Variants in CEP164 observed in about 807,000 individuals in gnomAD.
CEP164 encodes the protein centrosomal protein 164.
A neutral mutation model predicts 182.7 loss-of-function variants in CEP164; 162 were observed. The ratio of observed to expected loss-of-function variants is 0.89; its 90% CI spans 0.78 to 1.01. The LOEUF (loss-of-function observed/expected upper bound fraction) is 1.01, where lower values mean the gene tolerates loss of function less well. Ranked by LOEUF, CEP164 falls within the 50% of genes least tolerant of loss-of-function variation. CEP164 has a pLI of 0.00. For missense variants in CEP164, 1,735 were observed against 1,790.4 expected, an observed-to-expected ratio of 0.97 and a Z score of 0.56; for synonymous variants, 661 against 690.0, an observed-to-expected ratio of 0.96 and a Z score of 0.66.
Position 117,397,278 on chromosome 11 carries a change from A to G in CEP164, c.3466A>G (p.Lys1156Glu), listed in dbSNP as rs760963024. Residue 1156 changes from lysine (K) to glutamate (E), a missense_variant, in exon 27 of 33, where the codon AAG (lysine) becomes GAG (glutamate). Lys to Glu is a moderately conservative substitution (Grantham distance 56, BLOSUM62 1). Coordinates refer to ENST00000278935, the MANE Select transcript of CEP164 (RefSeq NM_014956.5). ...QEVAKDPPGIKALEDMRKNLE... is the reference protein window; with the variant it reads ...QEVAKDPPGIEALEDMRKNLE... ...GGTGGCCAAAGACCCACCAGGCATC[A>G]AGGCCCTGGAAGATATGCGCAAGAA... 2 of 1,613,704 alleles carry G rather than the reference A, an allele frequency of 1.2e-6. No individual in the cohort carries two copies. Among genetic ancestry groups the G allele is most frequent in the Non-Finnish European group, 1.7e-6 (2 of 1,179,976 alleles).
intron 27 of CEP164, among the ~76,000 whole-genome samples, chr11:117,403,237 T>C (rs2046336958): frequency 6.6e-6 from 1 of 152,242 alleles, no homozygotes; most frequent in Non-Finnish European, 1.5e-5. Context: ...ATTTTGCCCA[T>C]TAGTTGATGC....
At chr11:117,400,704 C>T (rs1051935350) in intron 27 of CEP164, among the ~76,000 whole-genome samples, 1 of 152,168 alleles carries the variant, frequency 6.6e-6, no homozygotes, top group Non-Finnish European at 1.5e-5. Context: ...TCCTTCACAT[C>T]CCTTGTAAGT....
intron 4 of CEP164, among the ~76,000 whole-genome samples, chr11:117,348,133 C>A (rs1380033709): frequency 1.3e-5 from 2 of 151,906 alleles, no homozygotes; most frequent in South Asian, 4.2e-4. Context: ...CCATGCCTGG[C>A]TAATTTTTGT....
chr11:117,325,107 CAG>C (rs1170763347), upstream of CEP164, among the ~76,000 whole-genome samples: 1 of 151,968 alleles, frequency 6.6e-6, no homozygotes, highest in East Asian at 1.9e-4. Context: ...ATTTTTGAGA[CAG>C]AGTCTCACTT....
intron 27 of CEP164, among the ~76,000 whole-genome samples, chr11:117,402,596 T>C (rs2046273362): frequency 1.3e-5 from 2 of 152,194 alleles, no homozygotes; most frequent in South Asian, 4.1e-4. Flanking sequence ...ATTTCCGTTC[T>C]TTTGCATTTA....
chr11:117,392,343 G>A (rs767086825), intron 18 of CEP164, 40 bp downstream of exon 18: 10 of 1,589,974 alleles, frequency 6.3e-6, no homozygotes, highest in Non-Finnish European at 7.7e-6. Flanking sequence ...TGGCTGATTA[G>A]CAGAATTCAG....
intron 19 of CEP164, 134 bp downstream of exon 19, chr11:117,392,761 T>G: frequency 7.6e-7 from 1 of 1,313,366 alleles, no homozygotes; most frequent in Non-Finnish European, 1.0e-6. Flanking sequence ...TCTAGTTCCC[T>G]TTTTATGCCT....
chr11:117,362,546 T>C lies in CEP164; in HGVS notation c.687+8T>C, dbSNP rs747277298. 6.2e-7 allele frequency: 1 copy of C among 1,612,424 alleles called. No homozygotes were observed. The highest frequency in any genetic ancestry group is 1.1e-5 in the South Asian group (1 of 90,978). On this transcript the variant is annotated splice_region_variant and intron_variant, in intron 7 of 32. Transcript: ENST00000278935. ...GAGGAAAGTGACAACCAGGTAATGA[T>C]GAAGTCCTCTCCCTGGCCTGGAAAC...
At chr11:117,351,265 G>A (rs897917096) in intron 4 of CEP164, among the ~76,000 whole-genome samples, 20 of 152,026 alleles carry the variant, frequency 1.3e-4, no homozygotes, top group Non-Finnish European at 2.8e-4. Flanking sequence ...TCCCGACCTC[G>A]GCCTCCCAAA....
At position 117,387,412 on chromosome 11, in the gene CEP164, G is replaced by A; in HGVS notation, c.1934G>A (p.Ser645Asn). ...RLHQQKEQSL[S>N]SLRERLQKAI... is the part of the protein sequence containing the mutation. Reference sequence around the variant, plus strand: ...CACCAGCAGAAAGAGCAATCTCTCAGGTCCTGCCCTTCCCCTTAGGCATGC... The same window carrying A: ...CACCAGCAGAAAGAGCAATCTCTCAAGTCCTGCCCTTCCCCTTAGGCATGC... Residue 645 changes from serine (S) to asparagine (N), a missense_variant and splice_region_variant, in exon 15 of 33, where the codon AGT becomes AAT. Coordinates refer to ENST00000278935, the MANE Select transcript of CEP164 (RefSeq NM_014956.5). 1.2e-6 allele frequency: 2 copies of A among 1,613,976 alleles called. No individual in the cohort carries two copies. Among genetic ancestry groups the A allele is most frequent in the South Asian group, 1.1e-5 (1 of 91,068 alleles).
At chr11:117,397,068 C>CT (rs1416112997) in intron 26 of CEP164, 23 bp from the exon 27 acceptor site, 1 of 1,603,412 alleles carries the variant, frequency 6.2e-7, no homozygotes, top group South Asian at 1.1e-5. Context: ...TTCTGTTTTC[C>CT]TTCTTCAACT....
At chr11:117,370,020 A>C (rs1248537164) in intron 8 of CEP164, among the ~76,000 whole-genome samples, 1 of 152,264 alleles carries the variant, frequency 6.6e-6, no homozygotes, top group South Asian at 2.1e-4. Context: ...GTCTGAAAGC[A>C]GAGCCATTTC....
chr11:117,395,399 C>A (rs2045305211), intron 23 of CEP164, 148 bp from the exon 24 acceptor site: 3 of 1,016,210 alleles, frequency 3.0e-6, no homozygotes, highest in Non-Finnish European at 4.3e-6. Flanking sequence ...AGCCTGCAGA[C>A]CTCTTGACCT....
In CEP164 at chr11:117,391,116, G is replaced by A. The variant is rs757201262; in HGVS notation, c.2184G>A (p.Glu728=). The A allele has an allele frequency of 1.2e-6, 2 of 1,614,076 alleles. No individual in the cohort carries two copies. Among genetic ancestry groups the A allele is most frequent in the Non-Finnish European group, 1.7e-6 (2 of 1,180,006 alleles). ...AAATGCTGGAGCAGCTCAAGGAAGA[G>A]ATAGAGGCTTCGGAGAAGAGCGAGC... ...NRQMLEQLKE[E]IEASEKSEQA... is the part of the protein sequence containing the mutation. The change falls in exon 17 of 33, where the codon GAG becomes GAA. Residue 728 remains glutamate (E), a synonymous_variant. Transcript: ENST00000278935.
chr11:117,387,725 A>G (rs2044122645), intron 15 of CEP164, among the ~76,000 whole-genome samples: 1 of 152,204 alleles, frequency 6.6e-6, no homozygotes, highest in South Asian at 2.1e-4. Flanking sequence ...CAGGTTGGGA[A>G]AGGTACTACA....
chr11:117,340,185 T>C (rs536021), intron 3 of CEP164, among the ~76,000 whole-genome samples: 34,845 of 152,012 alleles, frequency 0.23, 4,140 homozygotes, highest in African/African-American at 0.28. Context: ...GCCACTGTGC[T>C]TGGGTAATTT....
At position 117,396,056 on chromosome 11, in the gene CEP164, G is replaced by T. The variant is rs762693101; in HGVS notation, c.3092G>T (p.Ser1031Ile). Residue 1031 changes from serine (S) to isoleucine (I), a missense_variant and splice_region_variant, in exon 25 of 33, where the codon AGC (serine) becomes ATC (isoleucine). By Grantham distance (142) the Ser-to-Ile change is moderately radical. Transcript: ENST00000278935. ...QSQQLQKHFS[S>I]LEAEAQKKQH... is the part of the protein sequence containing the mutation. ...CTCACTCATCTTTCCTTCCACAGCA[G>T]CCTGGAGGCTGAAGCTCAAAAGAAG... is the stretch of plus-strand genomic sequence containing the variant. 6.2e-7 allele frequency: 1 copy of T among 1,614,156 alleles called. No homozygotes were observed. Among genetic ancestry groups the T allele is most frequent in the Admixed American group, 1.7e-5 (1 of 60,030 alleles).
intron 7 of CEP164, 44 bp from the exon 8 acceptor site, chr11:117,363,385 C>T (rs760406989): frequency 6.9e-7 from 1 of 1,458,008 alleles, no homozygotes; most frequent in Admixed American, 1.7e-5. Context: ...CCTGGGTTGA[C>T]CAGTTTCTTC....
intron 2 of CEP164, among the ~76,000 whole-genome samples, chr11:117,336,057 A>G (rs532479222): frequency 2.0e-5 from 3 of 150,068 alleles, no homozygotes; most frequent in Non-Finnish European, 4.4e-5. Flanking sequence ...CTATCCATTC[A>G]GGGCTCAACA....
Sources: gnomAD v4.1 joint callset for allele counts (sites outside exome capture counted in the v4.1 genomes callset) on GRCh38, gnomAD v4.1.1 for gene constraint, MANE v1.5 for transcripts, NCBI Gene and HGNC (gene_info 2026-07-23, HGNC 2026-07-21) for gene names.